ABTB3: variants seen among roughly 807,000 people sequenced by gnomAD.
ABTB3 encodes ankyrin repeat- and BTB/POZ domain-containing protein 3.
At chr12:107,531,525 T>C in the ABTB3 span, among the ~76,000 whole-genome samples, 3 of 152,124 alleles carry the variant, frequency 2.0e-5, no homozygotes, top group African/African-American at 7.2e-5. Context: ...GTTCTTTGAT[T>C]CTTTGGCCAA....
the ABTB3 span, among the ~76,000 whole-genome samples, chr12:107,419,318 G>C: frequency 6.6e-6 from 1 of 152,196 alleles, no homozygotes; most frequent in Non-Finnish European, 1.5e-5. Context: ...CTGGGTCTAT[G>C]CAAGTGGAGC....
the ABTB3 span, among the ~76,000 whole-genome samples, chr12:107,454,274 G>C: frequency 6.6e-6 from 1 of 152,204 alleles, no homozygotes; most frequent in African/African-American, 2.4e-5. Context: ...TATTCACAGG[G>C]CCCAGTGCGA....
At chr12:107,640,451 C>A in the ABTB3 span, 1 of 1,308,542 alleles carries the variant, frequency 7.6e-7, no homozygotes, top group Non-Finnish European at 1.1e-6. Context: ...TGCATTATGA[C>A]TTTGGCTGTT....
the ABTB3 span, among the ~76,000 whole-genome samples, chr12:107,469,920 T>C: frequency 3.7e-3 from 374 of 101,888 alleles, 5 homozygotes; most frequent in East Asian, 0.017. Flanking sequence ...CTTTCTTTCT[T>C]TCTCTCTCTC....
chr12:107,523,824 C>T, the ABTB3 span, among the ~76,000 whole-genome samples: 1 of 152,196 alleles, frequency 6.6e-6, no homozygotes, highest in Non-Finnish European at 1.5e-5. Flanking sequence ...AGGACATGCT[C>T]ATGACCCTAG....
chr12:107,539,056 A>G, the ABTB3 span, among the ~76,000 whole-genome samples: 38,648 of 152,122 alleles, frequency 0.25, 5,217 homozygotes, highest in Admixed American at 0.35. Flanking sequence ...CACCTGGGCC[A>G]GTTGCCTCCT....
chr12:107,523,032 A>C, the ABTB3 span, among the ~76,000 whole-genome samples: 1 of 152,206 alleles, frequency 6.6e-6, no homozygotes, highest in African/African-American at 2.4e-5. Context: ...TTAGTTACTG[A>C]TGGAATTGAA....
At chr12:107,319,865 G>A in the ABTB3 span, 3 of 1,226,582 alleles carry the variant, frequency 2.4e-6, no homozygotes, top group Non-Finnish European at 2.1e-6. Context: ...CAGCGCCAGC[G>A]GGGGCAGCAG....
chr12:107,618,529 T>C, the ABTB3 span: 4 of 695,658 alleles, frequency 5.7e-6, no homozygotes, highest in Non-Finnish European at 9.2e-6. Flanking sequence ...CCCAGGGAGC[T>C]TCCCCTTTAC....
the ABTB3 span, among the ~76,000 whole-genome samples, chr12:107,526,015 A>G: frequency 2.6e-5 from 4 of 152,180 alleles, no homozygotes; most frequent in Admixed American, 2.0e-4. Context: ...TGTGCAAATC[A>G]GCTTTGTATT....
chr12:107,638,720 T>C, the ABTB3 span, among the ~76,000 whole-genome samples: 462 of 152,342 alleles, frequency 3.0e-3, 4 homozygotes, highest in African/African-American at 0.011. Flanking sequence ...TGCTAAGTGC[T>C]CTCCATAAAT....
At chr12:107,479,477 G>A in the ABTB3 span, among the ~76,000 whole-genome samples, 1 of 152,076 alleles carries the variant, frequency 6.6e-6, no homozygotes, top group African/African-American at 2.4e-5. Context: ...TAGGGCTGTT[G>A]TGAGGGTTAT....
chr12:107,543,857 T>G, the ABTB3 span: 1 of 1,352,912 alleles, frequency 7.4e-7, no homozygotes, highest in Non-Finnish European at 1.0e-6. Context: ...GACCAGGGTC[T>G]CCACAGAGAT....
At chr12:107,651,121 C>CACCGTGCTCAGGGCCAGGTT in the ABTB3 span, among the ~76,000 whole-genome samples, 1 of 151,982 alleles carries the variant, frequency 6.6e-6, no homozygotes, top group Non-Finnish European at 1.5e-5. Flanking sequence ...CCGAGGCCGG[C>CACCGTGCTCAGGGCCAGGTT]ACCGTGCTCA....
chr12:107,632,745 G>A, the ABTB3 span, among the ~76,000 whole-genome samples: 1 of 152,180 alleles, frequency 6.6e-6, no homozygotes. Context: ...GTTCCTTTCT[G>A]GGGGCTTTGG....
the ABTB3 span, among the ~76,000 whole-genome samples, chr12:107,333,977 G>A: frequency 6.6e-6 from 1 of 152,232 alleles, no homozygotes; most frequent in Admixed American, 6.5e-5. Context: ...TGGTATCTGG[G>A]AGAAAACTGT....
chr12:107,343,078 G>A, the ABTB3 span, among the ~76,000 whole-genome samples: 1 of 152,114 alleles, frequency 6.6e-6, no homozygotes, highest in Admixed American at 6.5e-5. Flanking sequence ...GCAGGGGCAC[G>A]ATCATGGCTC....
At chr12:107,544,303 C>T in the ABTB3 span, among the ~76,000 whole-genome samples, 3 of 152,000 alleles carry the variant, frequency 2.0e-5, no homozygotes, top group Non-Finnish European at 4.4e-5. Context: ...ATCTTAGACC[C>T]GTGTGGGGGT....
chr12:107,547,251 GGAA>G, the ABTB3 span, among the ~76,000 whole-genome samples: 2 of 151,922 alleles, frequency 1.3e-5, no homozygotes, highest in Non-Finnish European at 2.9e-5. Context: ...AAGAGGAAGA[GGAA>G]GAAGAAGAAC....
Sources: allele counts gnomAD v4.1 joint callset (sites outside exome capture counted in the v4.1 genomes callset), GRCh38; gene constraint gnomAD v4.1.1; transcripts MANE v1.5; gene names NCBI Gene and HGNC (gene_info 2026-07-23, HGNC 2026-07-21).